The following IFNAR1 variants were observed in gnomAD, a reference collection of about 807,000 sequenced individuals.
IFNAR1 encodes the protein interferon alpha/beta receptor 1.
In IFNAR1, 47 loss-of-function variants were observed where a neutral mutation model predicts 62.1. That is an observed-to-expected ratio of 0.76 (90% CI 0.60 to 0.97). The LOEUF (loss-of-function observed/expected upper bound fraction) is 0.97, where lower values mean the gene tolerates loss of function less well. Among genes scored for constraint, IFNAR1 ranks in the 50% least tolerant of loss-of-function variants. IFNAR1 has a pLI of 0.00. For missense variants in IFNAR1, 638 were observed against 654.5 expected (o/e 0.97, Z 0.27); for synonymous variants, 219 against 226.9 (o/e 0.97, Z 0.31).
intron 3 of IFNAR1, among the ~76,000 whole-genome samples, chr21:33,341,955 A>G (rs1411849201): frequency 6.6e-6 from 1 of 152,254 alleles, no homozygotes; most frequent in Non-Finnish European, 1.5e-5. Context: ...TGCTGGGATT[A>G]CAGGCGTGAG....
intron 9 of IFNAR1, among the ~76,000 whole-genome samples, 191 bp from the exon 10 acceptor site, chr21:33,353,447 C>T (rs555587460): frequency 3.1e-4 from 47 of 152,254 alleles, no homozygotes; most frequent in African/African-American, 6.0e-4. Flanking sequence ...TCAGTTCCCA[C>T]GCCAATCTTT....
intron 9 of IFNAR1, among the ~76,000 whole-genome samples, 174 bp from the exon 10 acceptor site, chr21:33,353,464 A>G (rs2083417156): frequency 6.6e-6 from 1 of 152,202 alleles, no homozygotes; most frequent in African/African-American, 2.4e-5. Context: ...CTTTAAATGT[A>G]AATGTCATTG....
intron 2 of IFNAR1, among the ~76,000 whole-genome samples, chr21:33,340,791 T>C (rs1422278686): frequency 6.6e-6 from 1 of 152,168 alleles, no homozygotes; most frequent in Non-Finnish European, 1.5e-5. Context: ...CTTATATGCA[T>C]TGAAAAAGAG....
intron 3 of IFNAR1, 81 bp from the exon 4 acceptor site, chr21:33,343,187 G>A: frequency 8.3e-7 from 1 of 1,201,020 alleles, no homozygotes; most frequent in Non-Finnish European, 1.2e-6. Flanking sequence ...CACATATTAA[G>A]TGCTCAGAAT....
chr21:33,344,347 A>C (rs1325298034), intron 5 of IFNAR1, among the ~76,000 whole-genome samples: 1 of 152,190 alleles, frequency 6.6e-6, no homozygotes, highest in Non-Finnish European at 1.5e-5. Context: ...AAAATATGAA[A>C]GTATCCTGAT....
chr21:33,348,570 G>A (rs185112227), intron 6 of IFNAR1, among the ~76,000 whole-genome samples: 1 of 152,236 alleles, frequency 6.6e-6, no homozygotes, highest in East Asian at 1.9e-4. Flanking sequence ...AGGAGGCCGA[G>A]GTAGGTGGAT....
chr21:33,334,403 G>T (rs1051896152), intron 1 of IFNAR1, among the ~76,000 whole-genome samples: 4 of 152,078 alleles, frequency 2.6e-5, no homozygotes, highest in Non-Finnish European at 5.9e-5. Flanking sequence ...TTTCTCACCT[G>T]ATACTTTGGA....
intron 1 of IFNAR1, chr21:33,335,229 C>T (rs549334811): frequency 9.0e-6 from 4 of 442,226 alleles, no homozygotes; most frequent in African/African-American, 5.9e-5. Context: ...GGTGTCACTT[C>T]TAAGACCAAG....
At chr21:33,337,486 T>C (rs1435691084) in intron 2 of IFNAR1, among the ~76,000 whole-genome samples, 2 of 152,062 alleles carry the variant, frequency 1.3e-5, no homozygotes, top group Non-Finnish European at 2.9e-5. Context: ...AAATAAGGCA[T>C]TAGGCCCTCC....
At chr21:33,343,914 G>T (rs1209030244) in intron 5 of IFNAR1, among the ~76,000 whole-genome samples, 3 of 152,268 alleles carry the variant, frequency 2.0e-5, no homozygotes, top group Non-Finnish European at 4.4e-5. Context: ...CCAGCACTTT[G>T]AGAGGCTGAG....
intron 2 of IFNAR1, among the ~76,000 whole-genome samples, chr21:33,337,664 A>G (rs2083251418): frequency 2.0e-5 from 1 of 50,958 alleles, no homozygotes; most frequent in African/African-American, 8.8e-5. Context: ...GTATATATAC[A>G]TTACACTATA....
rs2123251657 is a variant in IFNAR1 at position 33,345,229 on chromosome 21, T to C, written c.674-17T>C. The C allele has an allele frequency of 8.2e-7, 1 of 1,212,552 alleles. No individual in the cohort carries two copies. The highest frequency in any genetic ancestry group is 1.2e-6 in the Non-Finnish European group (1 of 825,126). The allele number at this position is 1,212,552 out of a possible 1,614,324, so 75.1% of individuals were successfully genotyped here. A position where few individuals can be genotyped will look rare whatever the true frequency, so the allele number is the denominator to read the frequency against. On this transcript the variant is annotated splice_polypyrimidine_tract_variant and intron_variant, in intron 5 of 10. Transcript: ENST00000270139. ...GTAAAAATGTGTGCTTTTTTTTATC[T>C]GTTCTTTGGCTTCTAGTTGAAAATG... is the stretch of plus-strand genomic sequence containing the variant.
chr21:33,339,820 T>C (rs1001574126), intron 2 of IFNAR1, among the ~76,000 whole-genome samples: 1 of 149,962 alleles, frequency 6.7e-6, no homozygotes, highest in African/African-American at 2.5e-5. Context: ...CACAGCTAGT[T>C]GAGAGGCTGA....
rs999934617 is a variant in IFNAR1 at position 33,347,153 on chromosome 21, G to A, written c.788+1793G>A. ...ATCCTTTTTTTTTTTTTTTTGAGAC[G>A]GAGTCTCACTCTGTCACCCAGACTG... On this transcript the variant is annotated intron_variant, in intron 6 of 10. Transcript: ENST00000270139. Among the ~76,000 whole-genome samples, 4 of 149,652 alleles carry A rather than the reference G, an allele frequency of 2.7e-5. No individual in the cohort carries two copies. The South Asian group carries it at 8.5e-4, about 32-fold the overall frequency.
At chr21:33,346,304 A>T (rs1320955558) in intron 6 of IFNAR1, among the ~76,000 whole-genome samples, 1 of 152,200 alleles carries the variant, frequency 6.6e-6, no homozygotes, top group East Asian at 1.9e-4. Context: ...AAGACAGGAA[A>T]GGAAAAGTCA....
intron 2 of IFNAR1, 33 bp downstream of exon 2, chr21:33,335,680 G>T: frequency 6.8e-7 from 1 of 1,469,880 alleles, no homozygotes; most frequent in South Asian, 1.5e-5. Context: ...TTGTCAGAAT[G>T]ACCTGAATAA....
At chr21:33,341,799 A>G (rs2083294853) in intron 3 of IFNAR1, among the ~76,000 whole-genome samples, 1 of 152,004 alleles carries the variant, frequency 6.6e-6, no homozygotes, top group East Asian at 1.9e-4. Context: ...CTCCCGCCTC[A>G]GCCTCCCGAG....
Position 33,341,159 on chromosome 21 carries a change from A to G in IFNAR1, c.361A>G (p.Thr121Ala). Residue 121 changes from threonine (T) to alanine (A), a missense_variant, in exon 3 of 11, where the codon ACA becomes GCA. Thr to Ala is a moderately conservative substitution (Grantham distance 58). Coordinates refer to ENST00000270139, the MANE Select transcript of IFNAR1 (RefSeq NM_000629.3). ...TSSWYEVDSF[T>A]PFRKAQIGPP... is the part of the protein sequence containing the mutation. ...TTCATGGTATGAGGTTGACTCATTT[A>G]CACCATTTCGCAAAGGTAAGAAAAA... The G allele has an allele frequency of 6.2e-7, 1 of 1,609,088 alleles. No individual in the cohort carries two copies. The highest frequency in any genetic ancestry group is 8.5e-7 in the Non-Finnish European group (1 of 1,177,956).
chr21:33,328,834 A>G (rs2083151387), intron 1 of IFNAR1, among the ~76,000 whole-genome samples: 1 of 152,166 alleles, frequency 6.6e-6, no homozygotes. Context: ...TTATATATAT[A>G]TTAGATTAAA....
Sources: gnomAD v4.1 joint callset for allele counts (sites outside exome capture counted in the v4.1 genomes callset) on GRCh38, gnomAD v4.1.1 for gene constraint, MANE v1.5 for transcripts, NCBI Gene and HGNC (gene_info 2026-07-23, HGNC 2026-07-21) for gene names.